The following WWOX variants were observed in gnomAD, a reference collection of about 807,000 sequenced individuals.
The protein encoded by WWOX is WW domain-containing oxidoreductase.
WWOX carries 69 observed loss-of-function variants against 46.2 expected under a neutral mutation model. The ratio of observed to expected loss-of-function variants is 1.49; its 90% CI spans 1.23 to 1.82. The LOEUF is 1.82. WWOX is among the 40% of genes most tolerant of loss of function. WWOX has a pLI of 0.00. For synonymous variants in WWOX, 359 were observed against 202.6 expected (o/e 1.77, Z -6.56); for missense variants, 919 against 542.6 (o/e 1.69, Z -6.89).
chr16:78,366,941 G>A (rs960484459), intron 5 of WWOX, among the ~76,000 whole-genome samples: 5 of 148,140 alleles, frequency 3.4e-5, no homozygotes, highest in Non-Finnish European at 7.5e-5. Context: ...AATTAGCTGG[G>A]GTTTTTTTTT....
intron 5 of WWOX, among the ~76,000 whole-genome samples, chr16:78,356,476 C>T (rs575059699): frequency 1.3e-5 from 2 of 152,168 alleles, no homozygotes; most frequent in Non-Finnish European, 1.5e-5. Flanking sequence ...TGACACATCT[C>T]TAGTTTGTTG....
At chr16:79,009,439 G>A (rs2047259150) in intron 8 of WWOX, among the ~76,000 whole-genome samples, 1 of 151,976 alleles carries the variant, frequency 6.6e-6, no homozygotes, top group African/African-American at 2.4e-5. Flanking sequence ...AGACACTGGG[G>A]CTTCTGTGAC....
intron 8 of WWOX, among the ~76,000 whole-genome samples, chr16:79,041,308 C>T (rs937785039): frequency 1.3e-5 from 2 of 152,192 alleles, no homozygotes; most frequent in African/African-American, 4.8e-5. Flanking sequence ...GCTTGTCCCC[C>T]AGCCTCTGTG....
At chr16:78,516,507 T>C (rs1233377001) in intron 8 of WWOX, among the ~76,000 whole-genome samples, 1 of 152,206 alleles carries the variant, frequency 6.6e-6, no homozygotes. Flanking sequence ...AAAATTGACA[T>C]CATCTCTTCA....
intron 8 of WWOX, among the ~76,000 whole-genome samples, chr16:78,450,020 C>T (rs1749495704): frequency 1.3e-5 from 2 of 149,692 alleles, no homozygotes; most frequent in South Asian, 4.2e-4. Context: ...TTTTTTTAAG[C>T]AGGAAGCTAA....
intron 5 of WWOX, among the ~76,000 whole-genome samples, chr16:78,382,131 G>A (rs190454405): frequency 1.2e-4 from 19 of 152,282 alleles, no homozygotes; most frequent in African/African-American, 4.3e-4. Context: ...CAAGCCCAGA[G>A]AGGTAGACAG....
At chr16:78,437,454 T>G (rs113736254) in intron 8 of WWOX, among the ~76,000 whole-genome samples, 3,615 of 152,344 alleles carry the variant, frequency 0.024, 151 homozygotes, top group African/African-American at 0.083. Context: ...ATTATCACTT[T>G]GAAATTAATT....
intron 8 of WWOX, among the ~76,000 whole-genome samples, chr16:78,456,382 T>C (rs1422254612): frequency 6.8e-6 from 1 of 147,858 alleles, no homozygotes; most frequent in Non-Finnish European, 1.5e-5. Context: ...AACAAACTTG[T>C]TAAAAAAAAT....
At position 78,277,409 on chromosome 16, in the gene WWOX, G is replaced by T. The variant is rs117583586; in HGVS notation, c.517-109451G>T. On this transcript the variant is annotated intron_variant, in intron 5 of 8. Transcript: ENST00000566780. Reference sequence around the variant, plus strand: ...AGGGAAGTTGCAGTTTTCTCCCTCTGTGTATTCATCCTTCTGACCTGTGCT... The same window carrying T: ...AGGGAAGTTGCAGTTTTCTCCCTCTTTGTATTCATCCTTCTGACCTGTGCT... 2.0e-3 allele frequency among the ~76,000 whole-genome samples: 299 copies of T among 152,244 alleles called. 8 individuals carry two copies. In the East Asian group the frequency reaches 0.048, roughly 24 times the overall value.
chr16:78,739,631 A>G (rs1317476717), intron 8 of WWOX, among the ~76,000 whole-genome samples: 3 of 152,084 alleles, frequency 2.0e-5, no homozygotes, highest in South Asian at 2.1e-4. Context: ...GCTAACACGG[A>G]TAAACCTCGT....
chr16:78,746,876 T>G (rs1389046682), intron 8 of WWOX, among the ~76,000 whole-genome samples: 1 of 152,148 alleles, frequency 6.6e-6, no homozygotes, highest in Non-Finnish European at 1.5e-5. Flanking sequence ...ATTTTGAGGT[T>G]GTTTGTTATG....
intron 8 of WWOX, among the ~76,000 whole-genome samples, chr16:78,937,026 C>G (rs1356117028): frequency 6.6e-6 from 1 of 152,142 alleles, no homozygotes. Flanking sequence ...ACAATATGTA[C>G]TAAACCTGGT....
chr16:78,713,648 C>CA (rs2048496153), intron 8 of WWOX, among the ~76,000 whole-genome samples: 1 of 152,114 alleles, frequency 6.6e-6, no homozygotes, highest in Non-Finnish European at 1.5e-5. Context: ...ACCACAGTGG[C>CA]AAAAGACACA....
rs145396112 is a variant in WWOX, at chr16:78,683,842, A to G, written c.1056+251090A>G. ...GTAATTCAGATTTTCTGAGTGTTTA[A>G]TTCGGCGTCTTTGGTCACAAGGAAC... On this transcript the variant is annotated intron_variant, in intron 8 of 8. Coordinates refer to ENST00000566780, the MANE Select transcript of WWOX (RefSeq NM_016373.4). Among the ~76,000 whole-genome samples the G allele has an allele frequency of 3.2e-4, 48 of 152,296 alleles. 2 individuals are homozygous for G. Among genetic ancestry groups the G allele is most frequent in the African/African-American group, 1.1e-3 (46 of 41,570 alleles).
At chr16:78,751,494 T>C (rs953276896) in intron 8 of WWOX, among the ~76,000 whole-genome samples, 5 of 144,866 alleles carry the variant, frequency 3.5e-5, no homozygotes, top group African/African-American at 7.5e-5. Context: ...TATATGCATA[T>C]GTTTGTATAT....
intron 8 of WWOX, among the ~76,000 whole-genome samples, chr16:79,019,418 A>C (rs1479457369): frequency 6.6e-6 from 1 of 152,134 alleles, no homozygotes; most frequent in Non-Finnish European, 1.5e-5. Flanking sequence ...TACTGTAGGC[A>C]GTTGTAACAG....
At chr16:78,796,906 A>C (rs958695047) in intron 8 of WWOX, among the ~76,000 whole-genome samples, 13 of 151,494 alleles carry the variant, frequency 8.6e-5, no homozygotes, top group African/African-American at 2.9e-4. Flanking sequence ...GCTCACTGCA[A>C]ATTCTGCCTG....
At chr16:79,183,127 G>A (rs533947543) in intron 8 of WWOX, among the ~76,000 whole-genome samples, 120 of 152,318 alleles carry the variant, frequency 7.9e-4, no homozygotes, top group Middle Eastern at 3.4e-3. Flanking sequence ...GAACCACACC[G>A]GGAAGACCCA....
intron 8 of WWOX, among the ~76,000 whole-genome samples, chr16:78,572,519 C>T (rs572997425): frequency 1.7e-4 from 24 of 139,364 alleles, no homozygotes; most frequent in African/African-American, 6.2e-4. Flanking sequence ...GGGAGGACCT[C>T]TTGAGCCGGG....
Sources: allele counts gnomAD v4.1 joint callset (sites outside exome capture counted in the v4.1 genomes callset), GRCh38; gene constraint gnomAD v4.1.1; transcripts MANE v1.5; gene names NCBI Gene and HGNC (gene_info 2026-07-23, HGNC 2026-07-21).